The following TANC2 variants were observed in gnomAD, a reference collection of about 807,000 sequenced individuals.
TANC2 encodes tetratricopeptide repeat, ankyrin repeat and coiled-coil containing 2, also known as protein TANC2.
In TANC2, 26 loss-of-function variants were observed where a neutral mutation model predicts 210.5. That is an observed-to-expected ratio of 0.12 (90% CI 0.09 to 0.17). The LOEUF is 0.17. Among genes scored for constraint, TANC2 ranks in the 10% least tolerant of loss-of-function variants. TANC2 has a pLI of 1.00. For missense variants in TANC2, 2,129 were observed against 2,608.9 expected (o/e 0.82, Z 4.01); for synonymous variants, 931 against 967.1 (o/e 0.96, Z 0.69).
intron 1 of TANC2, among the ~76,000 whole-genome samples, chr17:62,967,870 C>A (rs554123894): frequency 6.6e-6 from 1 of 151,822 alleles, no homozygotes; most frequent in African/African-American, 2.4e-5. Context: ...GCATAAAAAG[C>A]AACAACATGG....
intron 5 of TANC2, among the ~76,000 whole-genome samples, chr17:63,177,860 G>C (rs933451942): frequency 6.6e-6 from 1 of 152,114 alleles, no homozygotes; most frequent in Non-Finnish European, 1.5e-5. Context: ...AAGTCACTTG[G>C]ACAAATCCAA....
chr17:63,005,976 A>C (rs973308577), intron 1 of TANC2, among the ~76,000 whole-genome samples: 10 of 151,018 alleles, frequency 6.6e-5, no homozygotes, highest in Non-Finnish European at 1.0e-4. Context: ...TTTAATAGAG[A>C]TAGGGCTATT....
chr17:63,405,421 G>A (rs1224402242), intron 20 of TANC2, among the ~76,000 whole-genome samples, 166 bp downstream of exon 20: 3 of 152,212 alleles, frequency 2.0e-5, no homozygotes, highest in South Asian at 4.1e-4. Flanking sequence ...TTGAGAATAC[G>A]ACAGTTAACA....
intron 11 of TANC2, among the ~76,000 whole-genome samples, chr17:63,327,646 A>G (rs2045693563): frequency 6.6e-6 from 1 of 152,112 alleles, no homozygotes; most frequent in Non-Finnish European, 1.5e-5. Context: ...TCATCGCAGC[A>G]CTTTTCACAA....
At chr17:63,416,695 A>C (rs1354121393) in intron 26 of TANC2, among the ~76,000 whole-genome samples, 1 of 151,634 alleles carries the variant, frequency 6.6e-6, no homozygotes, top group Non-Finnish European at 1.5e-5. Context: ...AGTTAAACCT[A>C]TCTCAGAGAA....
At position 63,001,557 on chromosome 17, in the gene TANC2, C is replaced by CT. The variant is rs1245551616; in HGVS notation, c.-23-7969dup. Among the ~76,000 whole-genome samples the CT allele has an allele frequency of 3.1e-3, 351 of 112,846 alleles. 1 individual carries two copies. Among genetic ancestry groups the CT allele is most frequent in the Middle Eastern group, 0.013 (3 of 226 alleles). The allele number at this position is 112,846 out of a possible 152,430, so 74.0% of individuals were successfully genotyped here. On this transcript the variant is annotated intron_variant, in intron 1 of 27. Transcript: ENST00000689528. ...TTTTTTTTTTTCTTTTTCTTTCTTT[C>CT]TTTTTTTTTTTCCAAGATGGAGTCT... is the stretch of plus-strand genomic sequence containing the variant.
intron 4 of TANC2, among the ~76,000 whole-genome samples, chr17:63,141,471 G>A (rs2039290764): frequency 2.7e-5 from 4 of 150,814 alleles, no homozygotes; most frequent in Admixed American, 2.6e-4. Context: ...AGAGGCTGAG[G>A]TGGGAGAATT....
chr17:63,095,798 T>A (rs2037365912), intron 3 of TANC2, among the ~76,000 whole-genome samples: 1 of 152,154 alleles, frequency 6.6e-6, no homozygotes, highest in Non-Finnish European at 1.5e-5. Flanking sequence ...TAAACATGTA[T>A]TTTTAGTTTT....
intron 11 of TANC2, among the ~76,000 whole-genome samples, chr17:63,328,380 G>A (rs1382881222): frequency 2.1e-5 from 3 of 141,850 alleles, no homozygotes; most frequent in African/African-American, 8.4e-5. Context: ...GTGTATATGT[G>A]TGTGTGTGTG....
intron 2 of TANC2, among the ~76,000 whole-genome samples, chr17:63,035,559 AATGGT>A (rs1198508198): frequency 6.6e-6 from 1 of 152,180 alleles, no homozygotes; most frequent in Admixed American, 6.5e-5. Context: ...TTTATTGCTG[AATGGT>A]ATGCCATTGT....
intron 11 of TANC2, chr17:63,338,865 G>A (rs1034138083): frequency 1.3e-5 from 2 of 152,002 alleles, no homozygotes; most frequent in Non-Finnish European, 2.9e-5. Context: ...AAAAAATATC[G>A]ACATTTCCAA....
intron 7 of TANC2, among the ~76,000 whole-genome samples, chr17:63,212,764 A>T (rs181418328): frequency 8.7e-4 from 132 of 152,294 alleles, no homozygotes; most frequent in Non-Finnish European, 1.4e-3. Context: ...CTTACTATGA[A>T]ATGTAGCACT....
At chr17:63,242,746 A>G (rs963209325) in intron 8 of TANC2, among the ~76,000 whole-genome samples, 6 of 152,220 alleles carry the variant, frequency 3.9e-5, no homozygotes, top group Non-Finnish European at 7.3e-5. Flanking sequence ...ATGCCCATCA[A>G]CAGGTGAATG....
intron 14 of TANC2, among the ~76,000 whole-genome samples, chr17:63,368,212 A>G (rs1396015602): frequency 1.3e-5 from 2 of 152,242 alleles, no homozygotes; most frequent in Non-Finnish European, 2.9e-5. Context: ...GTACTAACCA[A>G]CATAGAACTT....
At chr17:63,217,229 A>G (rs189970547) in intron 7 of TANC2, among the ~76,000 whole-genome samples, 1 of 152,296 alleles carries the variant, frequency 6.6e-6, no homozygotes, top group African/African-American at 2.4e-5. Context: ...AGTTAAATAG[A>G]AAACAGTGGA....
At chr17:63,113,333 A>G (rs1477172327) in intron 4 of TANC2, among the ~76,000 whole-genome samples, 1 of 152,190 alleles carries the variant, frequency 6.6e-6, no homozygotes, top group South Asian at 2.1e-4. Flanking sequence ...GTGGCATGGC[A>G]GAGTAACTCC....
At chr17:63,024,449 C>T (rs1221397163) in intron 2 of TANC2, among the ~76,000 whole-genome samples, 1 of 152,194 alleles carries the variant, frequency 6.6e-6, no homozygotes, top group Non-Finnish European at 1.5e-5. Flanking sequence ...AGGTCACTCT[C>T]ATTGCCATCT....
intron 3 of TANC2, among the ~76,000 whole-genome samples, chr17:63,086,669 G>A (rs1261485367): frequency 6.6e-6 from 1 of 152,160 alleles, no homozygotes; most frequent in Admixed American, 6.5e-5. Flanking sequence ...ATAGCAGGGT[G>A]TTTAATCCCT....
At position 63,412,853 on chromosome 17, in the gene TANC2, C is replaced by A; in HGVS notation, c.3928+144C>A. 1.0e-6 allele frequency: 1 copy of A among 993,202 alleles called. No homozygotes were observed. The highest frequency in any genetic ancestry group is 1.4e-6 in the Non-Finnish European group (1 of 696,912). The allele number at this position is 993,202 out of a possible 1,614,324, so 61.5% of individuals were successfully genotyped here. A position where few individuals can be genotyped will look rare whatever the true frequency, so the allele number is the denominator to read the frequency against. On this transcript the variant is annotated intron_variant, in intron 24 of 27. Coordinates refer to ENST00000689528, the Ensembl canonical transcript of TANC2. This position sits in a 1 kb window ranked among gnomAD's most constrained non-coding sequence, Gnocchi z 4.2. ...CTTAAAAGAAGATTTTTTTTAATGA[C>A]TGTTGTAGAGAATAACTTGAACTTT... is the stretch of plus-strand genomic sequence containing the variant.
Sources: allele counts gnomAD v4.1 joint callset (sites outside exome capture counted in the v4.1 genomes callset), GRCh38; gene constraint gnomAD v4.1.1; non-coding constraint Gnocchi (gnomAD v3.1); transcripts MANE v1.5; gene names NCBI Gene and HGNC (gene_info 2026-07-23, HGNC 2026-07-21).